Variants in SYT1 observed in about 807,000 individuals in gnomAD.
SYT1 encodes the protein synaptotagmin-1.
A neutral mutation model predicts 44.8 loss-of-function variants in SYT1; 8 were observed. The observed-to-expected ratio is 0.18, with a 90% CI of 0.10 to 0.32. SYT1 has a LOEUF of 0.32. Among genes scored for constraint, SYT1 ranks in the 10% least tolerant of loss-of-function variants. The pLI, the probability that SYT1 is intolerant of heterozygous loss-of-function variation, is 1.00. For synonymous variants in SYT1, 154 were observed against 188.8 expected, an observed-to-expected ratio of 0.82 and a Z score of 1.51; for missense variants, 286 against 509.3, an observed-to-expected ratio of 0.56 and a Z score of 4.22.
chr12:79,336,741 C>A (rs1436084575), intron 8 of SYT1, among the ~76,000 whole-genome samples: 1 of 152,162 alleles, frequency 6.6e-6, no homozygotes, highest in Non-Finnish European at 1.5e-5. Context: ...GCAATCCTTC[C>A]ACCTCGGCCT....
rs1156266773 is a variant in SYT1, at chr12:79,026,379, T to C, written c.-83-20918T>C. Among the ~76,000 whole-genome samples the C allele has an allele frequency of 3.3e-5, 5 of 151,588 alleles. No homozygotes were observed. The East Asian group carries it at 9.8e-4, about 30-fold the overall frequency. The stretch of plus-strand genomic sequence containing the variant: ...CAAAGAGTTAGTTGCATTCTCTGAA[T>C]GTGTAATGCATTTATATATTGAACA... On this transcript the variant is annotated intron_variant, in intron 2 of 10. Transcript: ENST00000261205.
intron 2 of SYT1, among the ~76,000 whole-genome samples, chr12:79,005,891 A>C (rs1018048282): frequency 2.3e-4 from 35 of 152,134 alleles, no homozygotes; most frequent in African/African-American, 8.2e-4. Flanking sequence ...CCACCATGGA[A>C]ACACTTCAAC....
intron 2 of SYT1, among the ~76,000 whole-genome samples, chr12:79,005,274 AT>A (rs1298265869): frequency 6.6e-6 from 1 of 151,996 alleles, no homozygotes; most frequent in Admixed American, 6.6e-5. Context: ...TTTCATGATA[AT>A]ATTTTATTCA....
intron 1 of SYT1, among the ~76,000 whole-genome samples, chr12:78,967,738 A>T (rs1037480537): frequency 6.6e-6 from 1 of 152,194 alleles, no homozygotes; most frequent in Non-Finnish European, 1.5e-5. Flanking sequence ...GATATACAGC[A>T]TAGCAGTAAT....
intron 4 of SYT1, among the ~76,000 whole-genome samples, chr12:79,260,084 T>C (rs1450972537): frequency 6.6e-6 from 1 of 152,214 alleles, no homozygotes; most frequent in Non-Finnish European, 1.5e-5. Flanking sequence ...AACTGGAGAG[T>C]ATTGTATTCT....
intron 1 of SYT1, among the ~76,000 whole-genome samples, chr12:78,921,612 C>T (rs1171202810): frequency 6.6e-6 from 1 of 151,762 alleles, no homozygotes; most frequent in East Asian, 1.9e-4. Flanking sequence ...ATAGAACAGG[C>T]AAAAAGTGCT....
chr12:79,206,261 T>G (rs555064077), intron 3 of SYT1, among the ~76,000 whole-genome samples: 134 of 152,360 alleles, frequency 8.8e-4, no homozygotes, highest in African/African-American at 3.2e-3. Context: ...AAATATTGCT[T>G]TACTGTTGCC....
intron 3 of SYT1, among the ~76,000 whole-genome samples, chr12:79,086,468 T>C (rs2137977428): frequency 6.6e-6 from 1 of 152,300 alleles, no homozygotes; most frequent in South Asian, 2.1e-4. Context: ...AATATTGAAC[T>C]AATAGCATTT....
chr12:79,323,394 C>A (rs1881459535), intron 8 of SYT1, among the ~76,000 whole-genome samples: 1 of 152,158 alleles, frequency 6.6e-6, no homozygotes, highest in African/African-American at 2.4e-5. Flanking sequence ...CAGGCACAAA[C>A]TCCCAATGGA....
intron 3 of SYT1, among the ~76,000 whole-genome samples, chr12:79,142,124 T>G (rs948144682): frequency 6.6e-6 from 1 of 152,174 alleles, no homozygotes; most frequent in Non-Finnish European, 1.5e-5. Flanking sequence ...TCAAGAAAGC[T>G]CCTCAGGAAA....
chr12:79,365,283 A>G (rs758029805), intron 9 of SYT1, among the ~76,000 whole-genome samples: 40 of 152,250 alleles, frequency 2.6e-4, no homozygotes, highest in Non-Finnish European at 2.6e-4. Flanking sequence ...CCTTTGGGCC[A>G]ACATATAGAT....
intron 2 of SYT1, among the ~76,000 whole-genome samples, chr12:78,980,226 C>A (rs1261925080): frequency 6.6e-6 from 1 of 152,044 alleles, no homozygotes; most frequent in Admixed American, 6.6e-5. Context: ...GACGGAATGT[C>A]GTGATTACCT....
At chr12:78,894,957 T>A (rs1019079472) in intron 1 of SYT1, among the ~76,000 whole-genome samples, 1 of 151,730 alleles carries the variant, frequency 6.6e-6, no homozygotes, top group Non-Finnish European at 1.5e-5. Context: ...AATGCATATG[T>A]TTATTAGCTT....
intron 4 of SYT1, among the ~76,000 whole-genome samples, chr12:79,274,461 T>G (rs1185959605): frequency 6.6e-6 from 1 of 152,158 alleles, no homozygotes; most frequent in Non-Finnish European, 1.5e-5. Context: ...GCAGACTGTT[T>G]TGTGCAGCAG....
At chr12:79,275,973 C>T (rs1878693497) in intron 4 of SYT1, among the ~76,000 whole-genome samples, 1 of 152,174 alleles carries the variant, frequency 6.6e-6, no homozygotes, top group South Asian at 2.1e-4. Flanking sequence ...ATCTAAGGAA[C>T]TCATACAGAG....
intron 3 of SYT1, among the ~76,000 whole-genome samples, chr12:79,063,961 C>T (rs1028481026): frequency 6.6e-6 from 1 of 152,118 alleles, no homozygotes; most frequent in Admixed American, 6.6e-5. Context: ...TCTCAAAGCA[C>T]CTAGGACATG....
intron 3 of SYT1, among the ~76,000 whole-genome samples, chr12:79,106,080 G>A (rs1327517085): frequency 1.3e-5 from 2 of 152,124 alleles, no homozygotes; most frequent in African/African-American, 4.8e-5. Flanking sequence ...AGAAGAAATT[G>A]AGTGAACTGT....
intron 9 of SYT1, among the ~76,000 whole-genome samples, chr12:79,422,888 T>G (rs998979797): frequency 6.6e-6 from 1 of 152,154 alleles, no homozygotes; most frequent in Non-Finnish European, 1.5e-5. Flanking sequence ...ACGATTCCCC[T>G]TTCTAATGAG....
intron 3 of SYT1, among the ~76,000 whole-genome samples, chr12:79,180,513 G>A (rs544098336): frequency 1.1e-4 from 16 of 151,652 alleles, no homozygotes; most frequent in African/African-American, 3.4e-4. Context: ...TAATTGGCTC[G>A]GGGTTCTGCA....
Sources: gnomAD v4.1 joint callset for allele counts (sites outside exome capture counted in the v4.1 genomes callset) on GRCh38, gnomAD v4.1.1 for gene constraint, MANE v1.5 for transcripts, NCBI Gene and HGNC (gene_info 2026-07-23, HGNC 2026-07-21) for gene names.